The following INPP5D variants were observed in gnomAD, a reference collection of about 807,000 sequenced individuals.
INPP5D encodes inositol polyphosphate-5-phosphatase D.
In INPP5D, 33 loss-of-function variants were observed where a neutral mutation model predicts 122.9. The ratio of observed to expected loss-of-function variants is 0.27; its 90% CI spans 0.20 to 0.36. The LOEUF (loss-of-function observed/expected upper bound fraction) is 0.36, where lower values mean the gene tolerates loss of function less well. Ranked by LOEUF, INPP5D falls within the 10% of genes least tolerant of loss-of-function variation. The pLI is 1.00. For missense variants in INPP5D, 1,053 were observed against 1,412.7 expected (o/e 0.75, Z 4.08); for synonymous variants, 584 against 576.2 (o/e 1.01, Z -0.19).
rs1469678720 is a variant in INPP5D at position 233,169,187 on chromosome 2, C to T, written c.1556-118C>T. The T allele has an allele frequency of 1.9e-5, 28 of 1,465,694 alleles. No individual in the cohort carries two copies. In the South Asian group the frequency reaches 3.2e-4, roughly 17 times the overall value. The allele number at this position is 1,465,694 out of a possible 1,614,324, so 90.8% of individuals were successfully genotyped here. A position where few individuals can be genotyped will look rare whatever the true frequency, so the allele number is the denominator to read the frequency against. Reference sequence around the variant, plus strand: ...CCCACCCTGCACGACCCTGTTTCGCCCATCCCTTGCCAGCTCCTCACTCAC... The same window carrying T: ...CCCACCCTGCACGACCCTGTTTCGCTCATCCCTTGCCAGCTCCTCACTCAC... On this transcript the variant is annotated intron_variant, in intron 13 of 26. Transcript: ENST00000445964.
At chr2:233,064,215 C>T (rs993006773) in intron 1 of INPP5D, among the ~76,000 whole-genome samples, 13 of 152,242 alleles carry the variant, frequency 8.5e-5, no homozygotes, top group East Asian at 7.7e-4. Flanking sequence ...AGGAGGGCGG[C>T]GTTCCCAGCC....
intron 10 of INPP5D, among the ~76,000 whole-genome samples, chr2:233,158,654 C>T (rs768549506): frequency 6.6e-6 from 1 of 152,104 alleles, no homozygotes; most frequent in Non-Finnish European, 1.5e-5. Context: ...CCAGCTGCCT[C>T]CCAGCCTCGA....
chr2:233,165,031 A>G (rs1694292405), intron 13 of INPP5D, among the ~76,000 whole-genome samples: 2 of 152,202 alleles, frequency 1.3e-5, no homozygotes, highest in Admixed American at 6.5e-5. Flanking sequence ...TTCAGAGAGC[A>G]GTAACAAGGG....
chr2:233,198,023 C>T (rs1254086521), intron 24 of INPP5D, 72 bp from the exon 25 acceptor site: 2 of 1,459,376 alleles, frequency 1.4e-6, no homozygotes, highest in Non-Finnish European at 1.8e-6. Context: ...TCAGAGGACA[C>T]TTTCCTTGGG....
chr2:233,183,250 G>C lies in INPP5D; in HGVS notation c.2161+751G>C, dbSNP rs1694829580. Among the ~76,000 whole-genome samples the C allele has an allele frequency of 6.6e-6, 1 of 152,142 alleles. No homozygotes were observed. The highest frequency in any genetic ancestry group is 1.5e-5 in the Non-Finnish European group (1 of 68,016). The stretch of plus-strand genomic sequence containing the variant: ...TCTCTGCTTCCGCGGTCAGCCCAGT[G>C]GTCACTGGGCTCCTTTAGGAAGACC... On this transcript the variant is annotated intron_variant, in intron 19 of 26. Transcript: ENST00000445964. This position sits in a 1 kb window ranked among gnomAD's most constrained non-coding sequence, Gnocchi z 4.6.
chr2:233,114,666 T>A (rs1334834691), intron 2 of INPP5D, among the ~76,000 whole-genome samples: 4 of 151,964 alleles, frequency 2.6e-5, no homozygotes, highest in Admixed American at 2.0e-4. Flanking sequence ...TTCAGAAACT[T>A]CCCAGCCTCC....
intron 5 of INPP5D, among the ~76,000 whole-genome samples, chr2:233,133,478 G>A (rs1237169715): frequency 6.6e-6 from 1 of 152,206 alleles, no homozygotes; most frequent in African/African-American, 2.4e-5. Context: ...CAGAGGTTGG[G>A]GAGAGGCTGG....
intron 10 of INPP5D, among the ~76,000 whole-genome samples, chr2:233,161,046 G>A (rs1170269174): frequency 6.6e-6 from 1 of 152,022 alleles, no homozygotes; most frequent in East Asian, 1.9e-4. Flanking sequence ...GATAGTTCTG[G>A]ATCACACTTG....
intron 19 of INPP5D, 129 bp downstream of exon 19, chr2:233,182,628 C>G: frequency 1.4e-6 from 2 of 1,397,326 alleles, no homozygotes; most frequent in Non-Finnish European, 1.9e-6. Flanking sequence ...TCCACAATAT[C>G]AGTCAGTTTC....
intron 18 of INPP5D, among the ~76,000 whole-genome samples, chr2:233,178,691 T>G (rs1178652263): frequency 6.6e-6 from 1 of 151,990 alleles, no homozygotes; most frequent in African/African-American, 2.4e-5. Flanking sequence ...ACCATGTTGG[T>G]CAGGCTGGTC....
At chr2:233,169,261 T>A (rs1303300884) in intron 13 of INPP5D, 44 bp from the exon 14 acceptor site, 8 of 1,558,194 alleles carry the variant, frequency 5.1e-6, no homozygotes, top group Non-Finnish European at 7.0e-6. Flanking sequence ...TTGGCAAGTG[T>A]GTCTGTTTGA....
chr2:233,134,070 A>T (rs1693404498), intron 5 of INPP5D: 1 of 455,038 alleles, frequency 2.2e-6, no homozygotes, highest in Non-Finnish European at 4.4e-6. Flanking sequence ...TGAAGGGAAG[A>T]TGAATCTAGG....
chr2:233,162,936 C>T (rs1049224767), intron 11 of INPP5D, among the ~76,000 whole-genome samples: 1 of 152,196 alleles, frequency 6.6e-6, no homozygotes, highest in African/African-American at 2.4e-5. Flanking sequence ...GCAGGGGTGC[C>T]CTTCCCACAG....
chr2:233,135,370 AT>A (rs1023180615), intron 5 of INPP5D, among the ~76,000 whole-genome samples: 6 of 149,416 alleles, frequency 4.0e-5, no homozygotes, highest in Admixed American at 1.3e-4. Context: ...TAATTAAACA[AT>A]TTTTTTTTTC....
intron 2 of INPP5D, among the ~76,000 whole-genome samples, chr2:233,116,672 C>T (rs1692808112): frequency 6.6e-6 from 1 of 151,974 alleles, no homozygotes; most frequent in Admixed American, 6.6e-5. Context: ...TCTTGGCTCA[C>T]TGAAACCACT....
At position 233,111,958 on chromosome 2, in the gene INPP5D, G is replaced by C. The variant is rs564021264; in HGVS notation, c.199-10149G>C. ...CATGCCTATAGTCCCAGGTACTTGGGGGGGCTGAGGTGTGAGGATCGCTGG... is the reference window on the plus strand; with the variant it reads ...CATGCCTATAGTCCCAGGTACTTGGCGGGGCTGAGGTGTGAGGATCGCTGG... On this transcript the variant is annotated intron_variant, in intron 2 of 26. Coordinates refer to ENST00000445964, the MANE Select transcript of INPP5D (RefSeq NM_001017915.3). 8.0e-3 allele frequency among the ~76,000 whole-genome samples: 1,217 copies of C among 151,862 alleles called. 20 individuals carry two copies. Among genetic ancestry groups the C allele is most frequent in the African/African-American group, 0.028 (1,141 of 41,370 alleles).
At chr2:233,169,223 A>T in intron 13 of INPP5D, 82 bp from the exon 14 acceptor site, 2 of 1,538,896 alleles carry the variant, frequency 1.3e-6, no homozygotes, top group Non-Finnish European at 1.8e-6. Flanking sequence ...TGCCCCTCTC[A>T]CCCTGCCTTC....
In INPP5D at chr2:233,171,159, C is replaced by A; in HGVS notation, c.1989+7C>A. On this transcript the variant is annotated splice_region_variant and intron_variant, in intron 17 of 26. Coordinates refer to ENST00000445964, the MANE Select transcript of INPP5D (RefSeq NM_001017915.3). ...CAAGCAGAAAGCGACAGGGGTGAGT[C>A]CTCTTCATAGACACCTTCCCTGCCC... The A allele has an allele frequency of 1.2e-6, 2 of 1,613,550 alleles. No individual in the cohort carries two copies. Among genetic ancestry groups the A allele is most frequent in the Non-Finnish European group, 1.7e-6 (2 of 1,179,742 alleles).
At position 233,163,984 on chromosome 2, in the gene INPP5D, C is replaced by A. The variant is rs1333526091; in HGVS notation, c.1437+81C>A. ...GGGCTGTCTCAGAGGCAAGGGTGGG[C>A]TCAGCCTATCAGCTCTCAGTTTTCA... is the stretch of plus-strand genomic sequence containing the variant. On this transcript the variant is annotated intron_variant, in intron 12 of 26. Coordinates refer to ENST00000445964, the MANE Select transcript of INPP5D (RefSeq NM_001017915.3). 3 of 1,521,506 alleles carry A rather than the reference C, an allele frequency of 2.0e-6. No homozygotes were observed. The East Asian group carries it at 7.1e-5, about 36-fold the overall frequency. The allele number at this position is 1,521,506 out of a possible 1,614,324, so 94.3% of individuals were successfully genotyped here.
Sources: allele counts gnomAD v4.1 joint callset (sites outside exome capture counted in the v4.1 genomes callset), GRCh38; gene constraint gnomAD v4.1.1; non-coding constraint Gnocchi (gnomAD v3.1); transcripts MANE v1.5; gene names NCBI Gene and HGNC (gene_info 2026-07-23, HGNC 2026-07-21).